The following RAB3IP variants were observed in gnomAD, a reference collection of about 807,000 sequenced individuals.
The protein encoded by RAB3IP is rab-3A-interacting protein.
Under a neutral mutation model 59.1 loss-of-function variants are expected in RAB3IP, and 36 were observed. The ratio of observed to expected loss-of-function variants is 0.61; its 90% CI spans 0.47 to 0.80. RAB3IP has a LOEUF of 0.80. RAB3IP is among the 30% of genes least tolerant of loss of function. The pLI, the probability that RAB3IP is intolerant of heterozygous loss-of-function variation, is 0.00. For missense variants in RAB3IP, 511 were observed against 536.0 expected (o/e 0.95, Z 0.46); for synonymous variants, 207 against 191.2 (o/e 1.08, Z -0.68).
rs1180416921 is a variant in RAB3IP at position 69,821,303 on chromosome 12, ACT to A, written c.*5860_*5861del. On this transcript the variant is annotated 3_prime_UTR_variant, in exon 11 of 11. Coordinates refer to ENST00000247833, the MANE Select transcript of RAB3IP (RefSeq NM_022456.5). ...TTCAAGAGAATGATTCTCTACCGAA[ACT>A]CTGCAAAATGGGGATATCAAGAGAG... is the stretch of plus-strand genomic sequence containing the variant. The A allele has an allele frequency of 3.3e-5, 5 of 152,242 alleles. No homozygotes were observed. Among genetic ancestry groups the A allele is most frequent in the African/African-American group, 4.8e-5 (2 of 41,460 alleles). The allele number at this position is 152,242 out of a possible 1,614,324, so 9.4% of individuals were successfully genotyped here. A position where few individuals can be genotyped will look rare whatever the true frequency, so the allele number is the denominator to read the frequency against.
chr12:69,750,532 C>T (rs1869083145), intron 1 of RAB3IP, among the ~76,000 whole-genome samples: 1 of 146,948 alleles, frequency 6.8e-6, no homozygotes, highest in Admixed American at 7.0e-5. Context: ...TTTATAAATT[C>T]CCTCTACCTC....
intron 8 of RAB3IP, among the ~76,000 whole-genome samples, chr12:69,810,070 G>A (rs991431530): frequency 6.6e-6 from 1 of 152,158 alleles, no homozygotes; most frequent in Non-Finnish European, 1.5e-5. Flanking sequence ...GTACAGATGG[G>A]TTTTTGGTGC....
Position 69,817,990 on chromosome 12 carries a change from T to G in RAB3IP, c.*2544T>G, listed in dbSNP as rs1345291064. On this transcript the variant is annotated 3_prime_UTR_variant, in exon 11 of 11. Transcript: ENST00000247833. Reference sequence around the variant, plus strand: ...ATAAACATTAAGAGGTTTTCATCTCTCAATCAGGAAAACGTAAATCAAGAT... The same window carrying G: ...ATAAACATTAAGAGGTTTTCATCTCGCAATCAGGAAAACGTAAATCAAGAT... 1 of 152,140 alleles carries G rather than the reference T, an allele frequency of 6.6e-6. No homozygotes were observed. The highest frequency in any genetic ancestry group is 6.5e-5 in the Admixed American group (1 of 15,274). The allele number at this position is 152,140 out of a possible 1,614,324, so 9.4% of individuals were successfully genotyped here.
At chr12:69,783,477 T>TC (rs1875095684) in intron 3 of RAB3IP, among the ~76,000 whole-genome samples, 1 of 152,126 alleles carries the variant, frequency 6.6e-6, no homozygotes, top group East Asian at 1.9e-4. Context: ...GACTTCCGAG[T>TC]TTTTTTCCCC....
chr12:69,758,322 G>A (rs1385587459), intron 3 of RAB3IP, among the ~76,000 whole-genome samples: 1 of 152,068 alleles, frequency 6.6e-6, no homozygotes, highest in Non-Finnish European at 1.5e-5. Flanking sequence ...AATGGATAAT[G>A]GTATAGTTTG....
At chr12:69,748,894 C>G (rs1868775020) in intron 1 of RAB3IP, among the ~76,000 whole-genome samples, 1 of 152,106 alleles carries the variant, frequency 6.6e-6, no homozygotes, top group South Asian at 2.1e-4. Flanking sequence ...TCATTACCAG[C>G]TAAATTACAT....
At chr12:69,809,236 C>T (rs1329708117) in intron 8 of RAB3IP, among the ~76,000 whole-genome samples, 7 of 152,082 alleles carry the variant, frequency 4.6e-5, no homozygotes, top group Admixed American at 1.3e-4. Context: ...CCCTCACTCT[C>T]TTCTGGCTTC....
chr12:69,781,106 C>T (rs1271843477), intron 3 of RAB3IP, among the ~76,000 whole-genome samples: 1 of 152,086 alleles, frequency 6.6e-6, no homozygotes, highest in Non-Finnish European at 1.5e-5. Context: ...TTTCACCTTT[C>T]TTATAATTTT....
At position 69,821,993 on chromosome 12, in the gene RAB3IP, A is replaced by C. The variant is rs572561899; in HGVS notation, c.*6547A>C. On this transcript the variant is annotated 3_prime_UTR_variant, in exon 11 of 11. Coordinates refer to ENST00000247833, the MANE Select transcript of RAB3IP (RefSeq NM_022456.5). ...TTTCTATGATGCTTCCTGTCACATC[A>C]CTGTGCTGCTGAGAACATGAAGTCT... is the stretch of plus-strand genomic sequence containing the variant. 11 of 152,230 alleles carry C rather than the reference A, an allele frequency of 7.2e-5. No homozygotes were observed. The highest frequency in any genetic ancestry group is 2.6e-4 in the African/African-American group (11 of 41,554). The allele number at this position is 152,230 out of a possible 1,614,324, so 9.4% of individuals were successfully genotyped here.
At chr12:69,779,987 C>T (rs147288654) in intron 3 of RAB3IP, among the ~76,000 whole-genome samples, 95 of 152,252 alleles carry the variant, frequency 6.2e-4, no homozygotes, top group African/African-American at 2.2e-3. Context: ...CTTCAGTGGG[C>T]CTATCTAGAG....
chr12:69,770,086 G>T (rs569781479), intron 3 of RAB3IP, among the ~76,000 whole-genome samples: 1 of 152,124 alleles, frequency 6.6e-6, no homozygotes, highest in Non-Finnish European at 1.5e-5. Context: ...CAGTTTAAGA[G>T]AGTCTTCCTA....
At chr12:69,804,256 TGAG>T (rs1219903444) in intron 8 of RAB3IP, among the ~76,000 whole-genome samples, 9 of 152,366 alleles carry the variant, frequency 5.9e-5, no homozygotes, top group African/African-American at 2.2e-4. Flanking sequence ...CCAGTGATGA[TGAG>T]CATTTTTTCA....
At position 69,816,632 on chromosome 12, in the gene RAB3IP, C is replaced by T. The variant is rs1881167683; in HGVS notation, c.*1186C>T. On this transcript the variant is annotated 3_prime_UTR_variant, in exon 11 of 11. Coordinates refer to ENST00000247833, the MANE Select transcript of RAB3IP (RefSeq NM_022456.5). Reference sequence around the variant, plus strand: ...GCTGTGACGAGTATCCTTATCTGTACACTTCTGAACATTGTGGAGTTCTTT... The same window carrying T: ...GCTGTGACGAGTATCCTTATCTGTATACTTCTGAACATTGTGGAGTTCTTT... 1 of 152,078 alleles carries T rather than the reference C, an allele frequency of 6.6e-6. No individual in the cohort carries two copies. The highest frequency in any genetic ancestry group is 1.5e-5 in the Non-Finnish European group (1 of 68,002). The allele number at this position is 152,078 out of a possible 1,614,324, so 9.4% of individuals were successfully genotyped here.
intron 10 of RAB3IP, among the ~76,000 whole-genome samples, chr12:69,814,271 G>A (rs917319195): frequency 8.5e-5 from 13 of 152,158 alleles, no homozygotes; most frequent in Non-Finnish European, 1.6e-4. Flanking sequence ...GGAAGAAAGT[G>A]TTACGAGTAA....
chr12:69,785,240 G>C lies in RAB3IP; in HGVS notation c.606+425G>C, dbSNP rs181352124. Among the ~76,000 whole-genome samples the C allele has an allele frequency of 4.4e-3, 675 of 152,240 alleles. 9 individuals are homozygous for C. Among genetic ancestry groups the C allele is most frequent in the South Asian group, 0.027 (131 of 4,812 alleles). On this transcript the variant is annotated intron_variant, in intron 4 of 10. Coordinates refer to ENST00000247833, the MANE Select transcript of RAB3IP (RefSeq NM_022456.5). ...AAGGCATACTTTTTATATCCAGCCC[G>C]CCACCAGGAAAAATTTCTACCTAAC... is the stretch of plus-strand genomic sequence containing the variant.
chr12:69,738,925 C>T lies in RAB3IP; in HGVS notation c.-132C>T, dbSNP rs1194312095. 3 of 152,042 alleles carry T rather than the reference C, an allele frequency of 2.0e-5. No homozygotes were observed. Among genetic ancestry groups the T allele is most frequent in the Admixed American group, 6.6e-5 (1 of 15,266 alleles). The allele number at this position is 152,042 out of a possible 1,614,324, so 9.4% of individuals were successfully genotyped here. ...GTGAGCCCGCCGCCGTGGAGTGTAGCGGAAAGGGCTCGCCGTCCTCCTCCG... is the reference window on the plus strand; with the variant it reads ...GTGAGCCCGCCGCCGTGGAGTGTAGTGGAAAGGGCTCGCCGTCCTCCTCCG... On this transcript the variant is annotated 5_prime_UTR_variant, in exon 1 of 11. Coordinates refer to ENST00000247833, the MANE Select transcript of RAB3IP (RefSeq NM_022456.5).
At chr12:69,746,851 A>T (rs1868395194) in intron 1 of RAB3IP, among the ~76,000 whole-genome samples, 1 of 152,134 alleles carries the variant, frequency 6.6e-6, no homozygotes, top group African/African-American at 2.4e-5. Context: ...GTCATTTGGG[A>T]ATTTAAAAAG....
intron 3 of RAB3IP, among the ~76,000 whole-genome samples, chr12:69,760,414 T>C (rs1162258991): frequency 6.6e-6 from 1 of 151,990 alleles, no homozygotes; most frequent in Admixed American, 6.5e-5. Flanking sequence ...AGAGGGAGAC[T>C]GTGGGGAGAG....
At chr12:69,783,710 G>A (rs573034138) in intron 3 of RAB3IP, among the ~76,000 whole-genome samples, 163 of 152,330 alleles carry the variant, frequency 1.1e-3, no homozygotes, top group African/African-American at 3.7e-3. Flanking sequence ...TCCTGTGCTT[G>A]TGGAGTATTT....
Sources: gnomAD v4.1 joint callset for allele counts (sites outside exome capture counted in the v4.1 genomes callset) on GRCh38, gnomAD v4.1.1 for gene constraint, MANE v1.5 for transcripts, NCBI Gene and HGNC (gene_info 2026-07-23, HGNC 2026-07-21) for gene names.